CNTN5: variants seen among roughly 807,000 people sequenced by gnomAD.
CNTN5 encodes contactin-5.
Under a neutral mutation model 129.1 loss-of-function variants are expected in CNTN5, and 77 were observed. The ratio of observed to expected loss-of-function variants is 0.60; its 90% CI spans 0.50 to 0.72. The LOEUF is 0.72. Ranked by LOEUF, CNTN5 falls within the 30% of genes least tolerant of loss-of-function variation. The pLI is 0.00. For missense variants in CNTN5, 1,478 were observed against 1,328.8 expected, an observed-to-expected ratio of 1.11 and a Z score of -1.75; for synonymous variants, 509 against 465.6, an observed-to-expected ratio of 1.09 and a Z score of -1.20.
At chr11:99,608,806 G>C (rs1027821878) in intron 3 of CNTN5, among the ~76,000 whole-genome samples, 2 of 152,064 alleles carry the variant, frequency 1.3e-5, no homozygotes, top group African/African-American at 4.8e-5. Flanking sequence ...ACATATGTAT[G>C]TAGATTATTA....
chr11:99,625,913 TATATATATATAC>T (rs973832829), intron 3 of CNTN5, among the ~76,000 whole-genome samples: 2 of 31,732 alleles, frequency 6.3e-5, no homozygotes, highest in African/African-American at 1.7e-4. Flanking sequence ...TATATATATA[TATATATATATAC>T]ACACACACAC....
At chr11:99,092,055 A>G (rs907595470) in intron 1 of CNTN5, among the ~76,000 whole-genome samples, 7 of 152,082 alleles carry the variant, frequency 4.6e-5, no homozygotes, top group South Asian at 4.1e-4. Context: ...TTCTTCCCCA[A>G]TTTTGCAAAC....
At chr11:99,272,004 A>T (rs1267211369) in intron 1 of CNTN5, among the ~76,000 whole-genome samples, 1 of 151,938 alleles carries the variant, frequency 6.6e-6, no homozygotes. Context: ...ATATTTTAAA[A>T]CTATCACAAA....
At chr11:99,202,137 C>A (rs1859240443) in intron 1 of CNTN5, among the ~76,000 whole-genome samples, 1 of 152,122 alleles carries the variant, frequency 6.6e-6, no homozygotes, top group Admixed American at 6.5e-5. Flanking sequence ...CCATAGACTT[C>A]TTTTGTATTT....
At chr11:99,326,191 C>A (rs1865780800) in intron 2 of CNTN5, among the ~76,000 whole-genome samples, 1 of 152,136 alleles carries the variant, frequency 6.6e-6, no homozygotes, top group Non-Finnish European at 1.5e-5. Flanking sequence ...CTAAGTGGCA[C>A]CAGTAGACGA....
At chr11:99,115,794 C>T (rs1391489484) in intron 1 of CNTN5, among the ~76,000 whole-genome samples, 3 of 151,886 alleles carry the variant, frequency 2.0e-5, no homozygotes, top group East Asian at 3.9e-4. Flanking sequence ...AGATAAAATA[C>T]CAGCACATGA....
At chr11:99,255,491 A>C (rs1862333032) in intron 1 of CNTN5, among the ~76,000 whole-genome samples, 1 of 150,344 alleles carries the variant, frequency 6.7e-6, no homozygotes, top group South Asian at 2.1e-4. Flanking sequence ...TAATATAATT[A>C]ATAAATTAAT....
intron 2 of CNTN5, among the ~76,000 whole-genome samples, chr11:99,391,394 C>T (rs1384848969): frequency 6.6e-6 from 1 of 151,984 alleles, no homozygotes; most frequent in Non-Finnish European, 1.5e-5. Flanking sequence ...AGTTTTAGGT[C>T]GTTAGTAAAC....
At chr11:99,734,501 A>T (rs550453513) in intron 3 of CNTN5, among the ~76,000 whole-genome samples, 2 of 152,188 alleles carry the variant, frequency 1.3e-5, no homozygotes, top group Non-Finnish European at 2.9e-5. Flanking sequence ...GTCATTTGTC[A>T]TAAGTGACTC....
chr11:99,655,029 G>A (rs1952299561), intron 3 of CNTN5, among the ~76,000 whole-genome samples: 1 of 151,750 alleles, frequency 6.6e-6, no homozygotes, highest in African/African-American at 2.4e-5. Flanking sequence ...ATTGGTGGAA[G>A]AGTGCTGCGT....
intron 13 of CNTN5, among the ~76,000 whole-genome samples, chr11:100,136,402 C>A (rs1027868105): frequency 5.3e-5 from 8 of 152,118 alleles, no homozygotes; most frequent in African/African-American, 1.9e-4. Flanking sequence ...TATGCCAGTT[C>A]TTTTGCTTTT....
At chr11:100,251,643 T>C (rs1436539977) in intron 16 of CNTN5, among the ~76,000 whole-genome samples, 1 of 152,132 alleles carries the variant, frequency 6.6e-6, no homozygotes, top group African/African-American at 2.4e-5. Flanking sequence ...TTTTTTTAGC[T>C]TTCACATATA....
chr11:99,963,811 G>C (rs1348699829), intron 8 of CNTN5, among the ~76,000 whole-genome samples: 2 of 152,098 alleles, frequency 1.3e-5, no homozygotes, highest in East Asian at 1.9e-4. Flanking sequence ...TCTTCCATTT[G>C]TTTGTATCCT....
intron 1 of CNTN5, among the ~76,000 whole-genome samples, chr11:99,095,932 T>C (rs1866453394): frequency 1.3e-5 from 2 of 152,050 alleles, no homozygotes; most frequent in South Asian, 4.1e-4. Context: ...TATTTCTTTT[T>C]CATCTATTCT....
At chr11:99,109,367 T>A (rs1278608058) in intron 1 of CNTN5, among the ~76,000 whole-genome samples, 2 of 151,286 alleles carry the variant, frequency 1.3e-5, no homozygotes, top group South Asian at 4.2e-4. Flanking sequence ...TTATACACTA[T>A]GCCCATGTAC....
At chr11:99,977,394 C>G (rs1443787386) in intron 8 of CNTN5, among the ~76,000 whole-genome samples, 3 of 152,184 alleles carry the variant, frequency 2.0e-5, no homozygotes, top group African/African-American at 7.2e-5. Context: ...GGTGTCTTTA[C>G]AGCAATATCT....
chr11:99,810,831 T>C (rs1469484280), intron 3 of CNTN5, among the ~76,000 whole-genome samples: 3 of 152,086 alleles, frequency 2.0e-5, no homozygotes, highest in Non-Finnish European at 2.9e-5. Context: ...ATGCTGACTT[T>C]GATGCCAAAT....
chr11:99,893,534 GAA>G (rs1282214528), intron 6 of CNTN5, among the ~76,000 whole-genome samples: 2 of 152,138 alleles, frequency 1.3e-5, no homozygotes, highest in African/African-American at 4.8e-5. Flanking sequence ...TTCAGACACA[GAA>G]AGCACAATAA....
chr11:99,562,421 G>A (rs1391662626), intron 3 of CNTN5, among the ~76,000 whole-genome samples: 1 of 152,070 alleles, frequency 6.6e-6, no homozygotes, highest in East Asian at 1.9e-4. Context: ...ATTACAGGAA[G>A]TCTTAGTTAA....
Sources: gnomAD v4.1 joint callset for allele counts (sites outside exome capture counted in the v4.1 genomes callset) on GRCh38, gnomAD v4.1.1 for gene constraint, MANE v1.5 for transcripts, NCBI Gene and HGNC (gene_info 2026-07-23, HGNC 2026-07-21) for gene names.